Variants in CERCAM observed in about 807,000 individuals in gnomAD.
CERCAM encodes cerebral endothelial cell adhesion molecule.
In CERCAM, 59 loss-of-function variants were observed where a neutral mutation model predicts 66.0. The observed-to-expected ratio is 0.89, with a 90% CI of 0.73 to 1.11. The LOEUF is 1.11. Ranked by LOEUF, CERCAM falls within the 50% of genes most tolerant of loss-of-function variation. The pLI, the probability that CERCAM is intolerant of heterozygous loss-of-function variation, is 0.00. For missense variants in CERCAM, 840 were observed against 828.3 expected, an observed-to-expected ratio of 1.01 and a Z score of -0.17; for synonymous variants, 318 against 343.6, an observed-to-expected ratio of 0.93 and a Z score of 0.83.
At position 128,428,973 on chromosome 9, in the gene CERCAM, G is replaced by A. The variant is rs371749434; in HGVS notation, c.1007G>A (p.Arg336His). 1.4e-5 allele frequency: 23 copies of A among 1,611,270 alleles called. No homozygotes were observed. The highest frequency in any genetic ancestry group is 2.2e-5 in the East Asian group (1 of 44,824). ...SLARRPDRRERMLASLWEMEI... is the reference protein window; with the variant it reads ...SLARRPDRREHMLASLWEMEI... ...GCTCGCAGGCCTGACCGTCGGGAACGCATGCTCGCCTCGCTCTGGGAGATG... is the reference window on the plus strand; with the variant it reads ...GCTCGCAGGCCTGACCGTCGGGAACACATGCTCGCCTCGCTCTGGGAGATG... The change falls in exon 8 of 13, where the codon CGC (arginine) becomes CAC (histidine). Residue 336 changes from arginine (R) to histidine (H), a missense_variant. Physicochemically the swap from Arg to His is conservative, Grantham distance 29 (BLOSUM62 0). Coordinates refer to ENST00000372838, the MANE Select transcript of CERCAM (RefSeq NM_016174.5).
chr9:128,434,119 G>A lies in CERCAM; in HGVS notation c.1221G>A (p.Leu407=). ...SIWEEVVARG[L]ARVLVFEDDV... is the part of the protein sequence containing the mutation. ...TGCCACAGGTGGTTGCCAGGGGCCT[G>A]GCCCGGGTCCTGGTGTTTGAGGATG... The change falls in exon 10 of 13, where the codon CTG becomes CTA. Residue 407 remains leucine (L), a synonymous_variant. Transcript: ENST00000372838. The surrounding 1 kb of genome is among the most constrained non-coding windows in gnomAD (Gnocchi z 4.5). The A allele has an allele frequency of 6.2e-7, 1 of 1,614,184 alleles. No homozygotes were observed. The highest frequency in any genetic ancestry group is 8.5e-7 in the Non-Finnish European group (1 of 1,180,030).
intron 9 of CERCAM, among the ~76,000 whole-genome samples, chr9:128,432,523 C>T (rs896725621): frequency 1.3e-5 from 2 of 151,082 alleles, no homozygotes; most frequent in African/African-American, 4.9e-5. Context: ...GGAGCTGAAA[C>T]TACAGGCGCG....
intron 3 of CERCAM, 58 bp from the exon 4 acceptor site, chr9:128,424,080 C>A: frequency 1.3e-6 from 2 of 1,577,606 alleles, no homozygotes; most frequent in Non-Finnish European, 1.7e-6. Context: ...ACTCAGTGAA[C>A]TCCTTGGGGG....
intron 1 of CERCAM, 171 bp from the exon 2 acceptor site, chr9:128,422,697 T>C: frequency 3.0e-6 from 2 of 659,050 alleles, no homozygotes; most frequent in Non-Finnish European, 2.5e-6. Flanking sequence ...GTCACAGAAC[T>C]GTGGTGGGGA....
rs1472298719 is a variant in CERCAM, at chr9:128,420,954, C to T, written c.77C>T (p.Ala26Val). The T allele has an allele frequency of 3.4e-6, 5 of 1,462,256 alleles. No individual in the cohort carries two copies. The highest frequency in any genetic ancestry group is 2.5e-5 in the Admixed American group (1 of 40,728). 90.6% of individuals were successfully genotyped at this position (1,462,256 alleles called of 1,614,324 possible). The part of the protein sequence containing the change: ...LGPWLEAAGV[A>V]ESPLPAVVLA... The stretch of plus-strand genomic sequence containing the variant: ...CCGTGGCTGGAGGCTGCGGGCGTTG[C>T]GGAGTCGCCGCTGCCCGCCGTGGTC... The change falls in exon 1 of 13, where the codon GCG (alanine) becomes GTG (valine). Residue 26 changes from alanine (A) to valine (V), a missense_variant. Ala to Val is a moderately conservative substitution (Grantham distance 64, BLOSUM62 0). Transcript: ENST00000372838. This position sits in a 1 kb window ranked among gnomAD's most constrained non-coding sequence, Gnocchi z 5.0.
In CERCAM at chr9:128,428,407, T is replaced by C; in HGVS notation, c.872T>C (p.Ile291Thr). ...EDERVNFIHL[I>T]LEALVDGPRM... ...GAGAGGGTCAACTTCATCCACCTGATCTTAGAAGCACTAGGTGAGGGCTGG... is the reference window on the plus strand; with the variant it reads ...GAGAGGGTCAACTTCATCCACCTGACCTTAGAAGCACTAGGTGAGGGCTGG... The change falls in exon 6 of 13, where the codon ATC becomes ACC. Residue 291 changes from isoleucine (I) to threonine (T), a missense_variant. Transcript: ENST00000372838. 1.2e-6 allele frequency: 2 copies of C among 1,614,026 alleles called. No individual in the cohort carries two copies. The highest frequency in any genetic ancestry group is 1.7e-6 in the Non-Finnish European group (2 of 1,179,968).
Position 128,436,478 on chromosome 9 carries a change from C to T in CERCAM, c.*1-371C>T, listed in dbSNP as rs375621946. ...GGCCAGGCTGGTCTTGAACTCCTGA[C>T]CTGAGGTGATCTGCCCGCCTCAGCT... is the stretch of plus-strand genomic sequence containing the variant. On this transcript the variant is annotated intron_variant, in intron 12 of 12. Coordinates refer to ENST00000372838, the MANE Select transcript of CERCAM (RefSeq NM_016174.5). Among the ~76,000 whole-genome samples the T allele has an allele frequency of 2.0e-5, 3 of 152,188 alleles. No homozygotes were observed. In the East Asian group the frequency reaches 5.8e-4, roughly 29 times the overall value.
chr9:128,431,389 G>A, intron 9 of CERCAM, 86 bp downstream of exon 9: 4 of 1,532,266 alleles, frequency 2.6e-6, no homozygotes, highest in Non-Finnish European at 3.5e-6. Context: ...ACGAGTGAGT[G>A]AATGAAGACA....
At chr9:128,428,157 C>T in intron 5 of CERCAM, 145 bp from the exon 6 acceptor site, 1 of 912,874 alleles carries the variant, frequency 1.1e-6, no homozygotes. Context: ...CAAGCCCTTT[C>T]TCCCTCTGGT....
intron 5 of CERCAM, among the ~76,000 whole-genome samples, chr9:128,428,076 G>A (rs945573673): frequency 6.6e-6 from 1 of 152,184 alleles, no homozygotes; most frequent in East Asian, 1.9e-4. Context: ...GGCTCCCAGC[G>A]GGTGCCCTGG....
chr9:128,431,151 G>T lies in CERCAM; in HGVS notation c.1071-20G>T. 1 of 1,611,824 alleles carries T rather than the reference G, an allele frequency of 6.2e-7. No individual in the cohort carries two copies. Among genetic ancestry groups the T allele is most frequent in the Non-Finnish European group, 8.5e-7 (1 of 1,179,582 alleles). ...GTCTCTGGCAGGCACCCCTCACCCC[G>T]CCACACCTGTGTCCCTCAGGATGCT... On this transcript the variant is annotated intron_variant, in intron 8 of 12. Coordinates refer to ENST00000372838, the MANE Select transcript of CERCAM (RefSeq NM_016174.5).
intron 12 of CERCAM, among the ~76,000 whole-genome samples, 186 bp from the exon 13 acceptor site, chr9:128,436,663 G>A (rs1834121574): frequency 6.6e-6 from 1 of 152,232 alleles, no homozygotes; most frequent in African/African-American, 2.4e-5. Context: ...TTACAGGCGT[G>A]AGCCACTGTG....
intron 12 of CERCAM, 104 bp downstream of exon 12, chr9:128,436,009 T>C: frequency 8.3e-7 from 1 of 1,200,586 alleles, no homozygotes; most frequent in Non-Finnish European, 1.1e-6. Flanking sequence ...CTCAGCCTTC[T>C]CTCTCCCTCT....
intron 5 of CERCAM, among the ~76,000 whole-genome samples, chr9:128,426,610 A>C (rs2131332914): frequency 7.4e-6 from 1 of 135,474 alleles, no homozygotes; most frequent in African/African-American, 3.4e-5. Context: ...ACAGAGCGAG[A>C]CTCTGTCTTA....
chr9:128,423,651 G>A (rs1381242938), intron 3 of CERCAM, among the ~76,000 whole-genome samples: 1 of 151,368 alleles, frequency 6.6e-6, no homozygotes, highest in Non-Finnish European at 1.5e-5. Flanking sequence ...AAATCTGAAT[G>A]TGACTGACCC....
In CERCAM at chr9:128,434,720, C is replaced by A; in HGVS notation, c.1535+107C>A. On this transcript the variant is annotated intron_variant, in intron 11 of 12. Transcript: ENST00000372838. The surrounding 1 kb of genome is among the most constrained non-coding windows in gnomAD (Gnocchi z 4.5). Reference sequence around the variant, plus strand: ...CACCTGGCAGATGGGGAGACTGGGACTGGCAAGGCCAAGCCACTTGGCCCA... The same window carrying A: ...CACCTGGCAGATGGGGAGACTGGGAATGGCAAGGCCAAGCCACTTGGCCCA... 1 of 1,165,360 alleles carries A rather than the reference C, an allele frequency of 8.6e-7. No homozygotes were observed. The highest frequency in any genetic ancestry group is 1.2e-6 in the Non-Finnish European group (1 of 830,010). The allele number at this position is 1,165,360 out of a possible 1,614,324, so 72.2% of individuals were successfully genotyped here. A position where few individuals can be genotyped will look rare whatever the true frequency, so the allele number is the denominator to read the frequency against.
chr9:128,421,234 G>A, intron 1 of CERCAM, 160 bp downstream of exon 1: 1 of 1,236,696 alleles, frequency 8.1e-7, no homozygotes, highest in South Asian at 3.8e-5. Flanking sequence ...CGCCAGAGAG[G>A]ACCCCGAGCC....
intron 8 of CERCAM, among the ~76,000 whole-genome samples, chr9:128,429,342 G>A (rs1833923063): frequency 6.6e-6 from 1 of 152,166 alleles, no homozygotes; most frequent in African/African-American, 2.4e-5. Flanking sequence ...CAGCCCGTTT[G>A]TATAAACAGC....
intron 5 of CERCAM, among the ~76,000 whole-genome samples, chr9:128,426,345 C>T (rs978144922): frequency 6.6e-6 from 1 of 151,906 alleles, no homozygotes; most frequent in Non-Finnish European, 1.5e-5. Flanking sequence ...CCAGTCCTGG[C>T]CAGGTGCGGT....
Sources: allele counts gnomAD v4.1 joint callset (sites outside exome capture counted in the v4.1 genomes callset), GRCh38; gene constraint gnomAD v4.1.1; non-coding constraint Gnocchi (gnomAD v3.1); transcripts MANE v1.5; gene names NCBI Gene and HGNC (gene_info 2026-07-23, HGNC 2026-07-21).